Variants in DPP10 observed in about 807,000 individuals in gnomAD.
DPP10 encodes dipeptidyl peptidase like 10, also known as inactive dipeptidyl peptidase 10.
Under a neutral mutation model 120.9 loss-of-function variants are expected in DPP10, and 33 were observed. The ratio of observed to expected loss-of-function variants is 0.27; its 90% CI spans 0.21 to 0.37. DPP10 has a LOEUF of 0.37. DPP10 is among the 10% of genes least tolerant of loss of function. The pLI, the probability that DPP10 is intolerant of heterozygous loss-of-function variation, is 1.00. For missense variants in DPP10, 816 were observed against 942.8 expected, an observed-to-expected ratio of 0.87 and a Z score of 1.76; for synonymous variants, 337 against 326.1, an observed-to-expected ratio of 1.03 and a Z score of -0.36.
chr2:114,841,197 G>A (rs116531751), intron 1 of DPP10, among the ~76,000 whole-genome samples: 12 of 152,232 alleles, frequency 7.9e-5, no homozygotes, highest in South Asian at 2.1e-4. Flanking sequence ...CAAAACTGTC[G>A]TATGACTAAA....
At position 114,589,046 on chromosome 2, in the gene DPP10, G is replaced by C. The variant is rs1197589195; in HGVS notation, c.60+146208G>C. On this transcript the variant is annotated intron_variant, in intron 1 of 25. Coordinates refer to ENST00000410059, the MANE Select transcript of DPP10 (RefSeq NM_020868.6). Reference sequence around the variant, plus strand: ...AAGGCAAAGGTTTTTTTGGGGGGGGGGGTAGGGGACGTACTGTTTATAAAA... The same window carrying C: ...AAGGCAAAGGTTTTTTTGGGGGGGGCGGTAGGGGACGTACTGTTTATAAAA... 2.7e-5 allele frequency among the ~76,000 whole-genome samples: 4 copies of C among 149,814 alleles called. 1 individual carries two copies. The South Asian group carries it at 6.6e-4, about 25-fold the overall frequency.
chr2:114,693,120 A>G (rs181926897), intron 1 of DPP10, among the ~76,000 whole-genome samples: 16 of 152,126 alleles, frequency 1.1e-4, no homozygotes, highest in Non-Finnish European at 2.4e-4. Context: ...TCCTATCATC[A>G]TGATGCTGGC....
At chr2:114,905,486 CTT>C (rs1434000219) in intron 1 of DPP10, among the ~76,000 whole-genome samples, 1 of 151,836 alleles carries the variant, frequency 6.6e-6, no homozygotes, top group African/African-American at 2.4e-5. Context: ...GTATTTTTAA[CTT>C]TTATTTTAAA....
intron 2 of DPP10, among the ~76,000 whole-genome samples, chr2:115,334,609 C>T (rs1574466667): frequency 6.6e-6 from 1 of 151,920 alleles, no homozygotes; most frequent in Non-Finnish European, 1.5e-5. Flanking sequence ...TATAAAGAAG[C>T]AACTTCATAT....
At chr2:115,458,166 T>C (rs1169642054) in intron 3 of DPP10, among the ~76,000 whole-genome samples, 1 of 152,132 alleles carries the variant, frequency 6.6e-6, no homozygotes, top group East Asian at 1.9e-4. Context: ...GCTAAATTTT[T>C]AAGATATGAA....
At chr2:114,694,670 G>A (rs1199478637) in intron 1 of DPP10, among the ~76,000 whole-genome samples, 1 of 151,938 alleles carries the variant, frequency 6.6e-6, no homozygotes, top group Non-Finnish European at 1.5e-5. Context: ...TCTAACACAT[G>A]TTCATGGAAG....
chr2:115,652,458 G>GTA (rs1304111023), intron 5 of DPP10, among the ~76,000 whole-genome samples: 1 of 145,410 alleles, frequency 6.9e-6, no homozygotes, highest in East Asian at 2.0e-4. Context: ...TTTAATATAT[G>GTA]TATTCTCTAA....
At chr2:115,810,253 A>T (rs192464908) in intron 19 of DPP10, among the ~76,000 whole-genome samples, 2,835 of 152,260 alleles carry the variant, frequency 0.019, 88 homozygotes, top group African/African-American at 0.062. Context: ...AAATAAAAAT[A>T]AAAAAACCAA....
rs1273072497 is a variant in DPP10, at chr2:115,083,065, T to TAAACA, written c.61-226174_61-226173insAAACA. Among the ~76,000 whole-genome samples, 45 of 152,364 alleles carry TAAACA rather than the reference T, an allele frequency of 3.0e-4. 1 individual carries two copies. The South Asian group carries it at 9.1e-3, about 31-fold the overall frequency. ...TCGTAAACAATCTATACTCTTTTAGTGTCTATGACACTGGATCTTTGTGCT... is the reference window on the plus strand; with the variant it reads ...TCGTAAACAATCTATACTCTTTTAGTAAACAGTCTATGACACTGGATCTTTGTGCT... On this transcript the variant is annotated intron_variant, in intron 1 of 25. Coordinates refer to ENST00000410059, the MANE Select transcript of DPP10 (RefSeq NM_020868.6).
chr2:115,402,852 A>AT (rs70941056), intron 3 of DPP10, among the ~76,000 whole-genome samples: 5,608 of 56,054 alleles, frequency 0.1, 216 homozygotes, highest in Non-Finnish European at 0.16. Context: ...GAAAAAAAAA[A>AT]AAATATATAT....
intron 1 of DPP10, among the ~76,000 whole-genome samples, chr2:114,977,511 G>A (rs946884282): frequency 6.6e-6 from 1 of 152,012 alleles, no homozygotes; most frequent in Non-Finnish European, 1.5e-5. Context: ...TTCCTTGTTG[G>A]AGCACATAGC....
At chr2:115,783,470 G>T (rs556257548) in intron 17 of DPP10, among the ~76,000 whole-genome samples, 8 of 152,228 alleles carry the variant, frequency 5.3e-5, no homozygotes, top group Non-Finnish European at 1.0e-4. Flanking sequence ...AAAGTGTAAG[G>T]TTGAATGACA....
intron 1 of DPP10, among the ~76,000 whole-genome samples, chr2:115,127,437 C>T (rs758230238): frequency 6.6e-6 from 1 of 152,170 alleles, no homozygotes; most frequent in Non-Finnish European, 1.5e-5. Flanking sequence ...TCCAGTTCAG[C>T]CCCAACCCCA....
At chr2:115,297,247 G>A (rs185424804) in intron 1 of DPP10, 4 of 379,692 alleles carry the variant, frequency 1.1e-5, no homozygotes, top group Non-Finnish European at 2.1e-5. Context: ...GGCACACACT[G>A]CTGTTCCTGT....
intron 5 of DPP10, among the ~76,000 whole-genome samples, chr2:115,537,558 T>G (rs1575123871): frequency 1.6e-5 from 2 of 125,080 alleles, no homozygotes; most frequent in East Asian, 4.8e-4. Flanking sequence ...TTGAGACACA[T>G]CACTGTTTTT....
intron 5 of DPP10, among the ~76,000 whole-genome samples, chr2:115,567,436 G>A (rs1487889423): frequency 2.0e-5 from 3 of 151,786 alleles, no homozygotes; most frequent in Non-Finnish European, 4.4e-5. Flanking sequence ...CTCTGTTACA[G>A]AAACCTTAGC....
intron 3 of DPP10, among the ~76,000 whole-genome samples, chr2:115,418,592 A>G (rs187390418): frequency 4.7e-4 from 72 of 151,870 alleles, no homozygotes; most frequent in Middle Eastern, 3.4e-3. Context: ...GCAACACAGC[A>G]AGACCTCATC....
At chr2:115,168,211 A>G (rs2053052799) in intron 1 of DPP10, among the ~76,000 whole-genome samples, 1 of 152,178 alleles carries the variant, frequency 6.6e-6, no homozygotes. Context: ...ACACACATGT[A>G]TGCTCCACTT....
chr2:115,180,797 T>C (rs2054021261), intron 1 of DPP10, among the ~76,000 whole-genome samples: 1 of 152,174 alleles, frequency 6.6e-6, no homozygotes, highest in Non-Finnish European at 1.5e-5. Context: ...TGAAAAAATG[T>C]CCTTTCTGCT....
Sources: allele counts gnomAD v4.1 joint callset (sites outside exome capture counted in the v4.1 genomes callset), GRCh38; gene constraint gnomAD v4.1.1; transcripts MANE v1.5; gene names NCBI Gene and HGNC (gene_info 2026-07-23, HGNC 2026-07-21).